MMP16: variants seen among roughly 807,000 people sequenced by gnomAD.
MMP16 encodes the protein matrix metalloproteinase-16.
A neutral mutation model predicts 67.8 loss-of-function variants in MMP16; 12 were observed. That is an observed-to-expected ratio of 0.18 (90% confidence interval 0.11 to 0.29). MMP16 has a LOEUF of 0.29. Among genes scored for constraint, MMP16 ranks in the 10% least tolerant of loss-of-function variants. MMP16 has a pLI of 1.00. For missense variants in MMP16, 475 were observed against 765.7 expected, an observed-to-expected ratio of 0.62 and a Z score of 4.48; for synonymous variants, 249 against 255.9, an observed-to-expected ratio of 0.97 and a Z score of 0.26.
rs1357599418 is a variant in MMP16, at chr8:88,327,288, C to CA, written c.-83dup. The CA allele has an allele frequency of 4.6e-5, 72 of 1,574,582 alleles. No homozygotes were observed. Among genetic ancestry groups the CA allele is most frequent in the Admixed American group, 2.3e-4 (13 of 56,660 alleles). ...TCTCCCTCCCTCCCTCGTTTCCTTT[C>CA]AAAAAAAAGTCCTCCGGGTGGGTAA... On this transcript the variant is annotated 5_prime_UTR_variant, in exon 1 of 10. Coordinates refer to ENST00000286614, the MANE Select transcript of MMP16 (RefSeq NM_005941.5).
intron 9 of MMP16, among the ~76,000 whole-genome samples, chr8:88,044,018 A>G (rs971794876): frequency 3.9e-5 from 6 of 152,232 alleles, no homozygotes; most frequent in Admixed American, 3.9e-4. Flanking sequence ...GCTCATTACT[A>G]TAGAGCTACT....
chr8:88,146,322 C>T (rs1808289135), intron 4 of MMP16, among the ~76,000 whole-genome samples: 1 of 151,842 alleles, frequency 6.6e-6, no homozygotes, highest in Non-Finnish European at 1.5e-5. Flanking sequence ...AATCTGCCAT[C>T]CCAACTTGAA....
chr8:88,255,156 T>A (rs1810282322), intron 1 of MMP16, among the ~76,000 whole-genome samples: 1 of 152,142 alleles, frequency 6.6e-6, no homozygotes, highest in Non-Finnish European at 1.5e-5. Context: ...GGACCCCTCA[T>A]GAATGTCTTG....
intron 1 of MMP16, among the ~76,000 whole-genome samples, chr8:88,281,283 A>G (rs1810731336): frequency 6.6e-6 from 1 of 152,228 alleles, no homozygotes. Flanking sequence ...TGTAGAGTCA[A>G]AATTACGATT....
intron 4 of MMP16, among the ~76,000 whole-genome samples, chr8:88,125,056 T>C (rs1431549018): frequency 3.9e-5 from 6 of 151,906 alleles, no homozygotes; most frequent in Non-Finnish European, 7.4e-5. Context: ...CCTGTGAATT[T>C]TGTGGCTTTA....
intron 1 of MMP16, among the ~76,000 whole-genome samples, chr8:88,280,532 C>T (rs187506675): frequency 5.9e-4 from 90 of 152,272 alleles, no homozygotes; most frequent in African/African-American, 2.1e-3. Flanking sequence ...TACAATATTT[C>T]ATTTAATTAT....
At chr8:88,091,507 C>T (rs1383169030) in intron 6 of MMP16, among the ~76,000 whole-genome samples, 2 of 151,444 alleles carry the variant, frequency 1.3e-5, no homozygotes, top group Non-Finnish European at 3.0e-5. Context: ...AGTATTTTAG[C>T]GTATGCCACA....
chr8:88,148,951 G>A (rs1381885763), intron 4 of MMP16, among the ~76,000 whole-genome samples: 2 of 152,162 alleles, frequency 1.3e-5, no homozygotes, highest in African/African-American at 4.8e-5. Flanking sequence ...CTGAGGTACC[G>A]GGTTCATCTC....
rs571406585 is a variant in MMP16, at chr8:88,133,351, C to T, written c.710-14490G>A. Among the ~76,000 whole-genome samples the T allele has an allele frequency of 2.1e-4, 32 of 151,928 alleles. 1 individual carries two copies. The highest frequency in any genetic ancestry group is 2.1e-3 in the Admixed American group (32 of 15,216). Reference sequence around the variant, plus strand: ...AAGTGTTTATGCTCAGAACTGTTCTCCCAATAATCAGGCAGAAATACAGGG... The same window carrying T: ...AAGTGTTTATGCTCAGAACTGTTCTTCCAATAATCAGGCAGAAATACAGGG... On this transcript the variant is annotated intron_variant, in intron 4 of 9. Transcript: ENST00000286614.
At chr8:88,158,529 A>C (rs1476182916) in intron 4 of MMP16, among the ~76,000 whole-genome samples, 1 of 152,028 alleles carries the variant, frequency 6.6e-6, no homozygotes, top group East Asian at 1.9e-4. Flanking sequence ...TTTTTCTTGT[A>C]AATTTGTTTG....
intron 3 of MMP16, among the ~76,000 whole-genome samples, chr8:88,176,742 T>A (rs1808897716): frequency 6.6e-6 from 1 of 152,192 alleles, no homozygotes; most frequent in African/African-American, 2.4e-5. Flanking sequence ...TACAAGGATC[T>A]GTTTCCATGA....
At chr8:88,303,385 G>A (rs1389002697) in intron 1 of MMP16, among the ~76,000 whole-genome samples, 1 of 152,176 alleles carries the variant, frequency 6.6e-6, no homozygotes, top group Non-Finnish European at 1.5e-5. Flanking sequence ...GTTCCAGCCT[G>A]CCAGCTCTGG....
At chr8:88,276,735 T>C (rs1445745976) in intron 1 of MMP16, among the ~76,000 whole-genome samples, 1 of 152,100 alleles carries the variant, frequency 6.6e-6, no homozygotes, top group African/African-American at 2.4e-5. Flanking sequence ...TATCTGTCGT[T>C]GAAGAGAAGT....
intron 6 of MMP16, among the ~76,000 whole-genome samples, chr8:88,077,410 T>C (rs1808669515): frequency 6.6e-6 from 1 of 152,206 alleles, no homozygotes; most frequent in Non-Finnish European, 1.5e-5. Context: ...GACCATGCTA[T>C]CTAGAACTGA....
At chr8:88,305,137 T>C (rs2130052678) in intron 1 of MMP16, among the ~76,000 whole-genome samples, 1 of 152,202 alleles carries the variant, frequency 6.6e-6, no homozygotes, top group Non-Finnish European at 1.5e-5. Flanking sequence ...AAAGCAGGGA[T>C]TGCAATCTTG....
intron 6 of MMP16, among the ~76,000 whole-genome samples, chr8:88,094,111 T>C (rs1019880005): frequency 6.6e-6 from 1 of 151,802 alleles, no homozygotes; most frequent in Non-Finnish European, 1.5e-5. Context: ...TAACTACATA[T>C]TGTGAGTTCT....
At chr8:88,161,106 A>G (rs930392972) in intron 4 of MMP16, among the ~76,000 whole-genome samples, 4 of 152,290 alleles carry the variant, frequency 2.6e-5, no homozygotes, top group Middle Eastern at 3.4e-3. Context: ...TGATTAGAAT[A>G]GTTTCAGAAG....
chr8:88,160,477 T>A (rs982116169), intron 4 of MMP16, among the ~76,000 whole-genome samples: 2 of 151,998 alleles, frequency 1.3e-5, no homozygotes, highest in Non-Finnish European at 2.9e-5. Context: ...GCAAAGGACA[T>A]GAACAGACAC....
intron 7 of MMP16, chr8:88,069,295 C>T (rs1808511179): frequency 3.0e-5 from 10 of 338,054 alleles, no homozygotes; most frequent in Non-Finnish European, 3.0e-5. Context: ...CAGATTGATC[C>T]CTCGGTATTT....
Sources: allele counts gnomAD v4.1 joint callset (sites outside exome capture counted in the v4.1 genomes callset), GRCh38; gene constraint gnomAD v4.1.1; transcripts MANE v1.5; gene names NCBI Gene and HGNC (gene_info 2026-07-23, HGNC 2026-07-21).